PRKN: variants seen among roughly 807,000 people sequenced by gnomAD.
The protein encoded by PRKN is parkin RBR E3 ubiquitin protein ligase, also known as E3 ubiquitin-protein ligase parkin.
Under a neutral mutation model 59.5 loss-of-function variants are expected in PRKN, and 56 were observed. The ratio of observed to expected loss-of-function variants is 0.94; its 90% CI spans 0.76 to 1.18. PRKN has a LOEUF of 1.18. PRKN is among the 50% of genes most tolerant of loss of function. PRKN has a pLI of 0.00. For missense variants in PRKN, 657 were observed against 596.4 expected (o/e 1.10, Z -1.06); for synonymous variants, 250 against 222.1 (o/e 1.13, Z -1.12).
At chr6:161,944,247 C>G (rs2128244175) in intron 6 of PRKN, among the ~76,000 whole-genome samples, 1 of 152,312 alleles carries the variant, frequency 6.6e-6, no homozygotes, top group Middle Eastern at 3.4e-3. Context: ...GATATAATTT[C>G]AAGATACTGT....
At chr6:161,694,560 C>T (rs976791065) in intron 7 of PRKN, among the ~76,000 whole-genome samples, 4 of 151,994 alleles carry the variant, frequency 2.6e-5, no homozygotes, top group African/African-American at 9.7e-5. Context: ...AATTTCCCAC[C>T]TTTCCTTAAA....
chr6:162,727,594 C>G, intron 1 of PRKN, 68 bp downstream of exon 1: 1 of 1,503,652 alleles, frequency 6.7e-7, no homozygotes, highest in Non-Finnish European at 9.1e-7. Context: ...TCGGCCGAGG[C>G]GGGGCGTGGC....
chr6:162,058,351 G>T (rs1436875830), intron 4 of PRKN, among the ~76,000 whole-genome samples: 1 of 152,148 alleles, frequency 6.6e-6, no homozygotes, highest in Non-Finnish European at 1.5e-5. Flanking sequence ...GATGTAACCT[G>T]ACTGACAGCT....
intron 1 of PRKN, among the ~76,000 whole-genome samples, chr6:162,684,769 A>T (rs1195679562): frequency 6.6e-6 from 1 of 152,118 alleles, no homozygotes; most frequent in Admixed American, 6.6e-5. Context: ...AACCAGAAAA[A>T]ATGATTATGA....
chr6:162,316,763 A>T (rs1782770191), intron 2 of PRKN, among the ~76,000 whole-genome samples: 1 of 152,150 alleles, frequency 6.6e-6, no homozygotes, highest in East Asian at 1.9e-4. Context: ...AAGGGGAAAA[A>T]AAACATGAAT....
intron 9 of PRKN, among the ~76,000 whole-genome samples, chr6:161,443,123 C>T (rs1040970331): frequency 2.6e-5 from 4 of 152,080 alleles, no homozygotes; most frequent in Non-Finnish European, 5.9e-5. Context: ...GCCTGACCAA[C>T]ATGGAAAAAC....
intron 5 of PRKN, among the ~76,000 whole-genome samples, chr6:162,023,060 C>G (rs1470426325): frequency 6.6e-6 from 1 of 152,014 alleles, no homozygotes; most frequent in Non-Finnish European, 1.5e-5. Context: ...GTTCCCTTGT[C>G]CCCCTAGCAG....
intron 1 of PRKN, among the ~76,000 whole-genome samples, chr6:162,602,230 T>C (rs1233813518): frequency 6.6e-6 from 1 of 152,066 alleles, no homozygotes; most frequent in Non-Finnish European, 1.5e-5. Context: ...TTTAGCCAGA[T>C]GAGGTGGCGT....
intron 9 of PRKN, among the ~76,000 whole-genome samples, chr6:161,481,612 AAAAAC>A (rs1791403532): frequency 6.6e-6 from 1 of 152,144 alleles, no homozygotes; most frequent in Non-Finnish European, 1.5e-5. Context: ...CAAAAAACAA[AAAAAC>A]AAAACAAACA....
intron 9 of PRKN, among the ~76,000 whole-genome samples, chr6:161,478,808 T>A (rs1252951045): frequency 6.6e-6 from 1 of 152,222 alleles, no homozygotes; most frequent in African/African-American, 2.4e-5. Flanking sequence ...ATTGTGCCAC[T>A]GTACTCCCAG....
chr6:162,556,777 T>G (rs1583797059), intron 1 of PRKN, among the ~76,000 whole-genome samples: 1 of 146,624 alleles, frequency 6.8e-6, no homozygotes, highest in African/African-American at 2.5e-5. Context: ...AAAAGGAAGC[T>G]GTAGCTTAGA....
At chr6:162,522,023 T>C (rs969398063) in intron 1 of PRKN, among the ~76,000 whole-genome samples, 12 of 152,258 alleles carry the variant, frequency 7.9e-5, no homozygotes, top group African/African-American at 2.9e-4. Flanking sequence ...TTTTATTCGA[T>C]GTCCCCAGTT....
At chr6:161,874,763 A>T (rs538102138) in intron 6 of PRKN, among the ~76,000 whole-genome samples, 3 of 120,568 alleles carry the variant, frequency 2.5e-5, no homozygotes, top group Non-Finnish European at 4.7e-5. Context: ...ATATATATAA[A>T]ATATATAATA....
chr6:161,875,909 C>T (rs9347551), intron 6 of PRKN, among the ~76,000 whole-genome samples: 29,266 of 151,944 alleles, frequency 0.19, 3,355 homozygotes, highest in East Asian at 0.36. Flanking sequence ...CCATGGGTGC[C>T]GTTATGTAAC....
In PRKN at chr6:162,478,794, T is replaced by C. The variant is rs190833077; in HGVS notation, c.8-35321A>G. On this transcript the variant is annotated intron_variant, in intron 1 of 11. Transcript: ENST00000366898. ...GTTTACTGAATGCCTTAGGCAACTGTAACACAACAAGAAACATTTGTATAT... is the reference window on the plus strand; with the variant it reads ...GTTTACTGAATGCCTTAGGCAACTGCAACACAACAAGAAACATTTGTATAT... Among the ~76,000 whole-genome samples the C allele has an allele frequency of 2.0e-3, 306 of 152,244 alleles. 1 individual carries two copies. The highest frequency in any genetic ancestry group is 6.7e-3 in the African/African-American group (277 of 41,546).
chr6:161,612,478 TG>T (rs1215233811), intron 7 of PRKN, among the ~76,000 whole-genome samples: 1 of 152,082 alleles, frequency 6.6e-6, no homozygotes, highest in Non-Finnish European at 1.5e-5. Context: ...TCCAGCACTT[TG>T]GGAGGCCGAA....
At position 162,237,201 on chromosome 6, in the gene PRKN, A is replaced by G. The variant is rs545547089; in HGVS notation, c.412+25324T>C. On this transcript the variant is annotated intron_variant, in intron 3 of 11. Transcript: ENST00000366898. ...CTTAGTCTCTCATCACATCTCCTTT[A>G]TGACTTGGAAAGATAAATTTAGCAT... 8.5e-5 allele frequency among the ~76,000 whole-genome samples: 13 copies of G among 152,280 alleles called. No individual in the cohort carries two copies. In the East Asian group the frequency reaches 1.5e-3, roughly 18 times the overall value.
intron 7 of PRKN, among the ~76,000 whole-genome samples, chr6:161,733,308 C>T (rs985538174): frequency 1.3e-5 from 2 of 152,142 alleles, no homozygotes; most frequent in African/African-American, 4.8e-5. Flanking sequence ...AAGATAATCT[C>T]ATGAAACCCT....
intron 7 of PRKN, among the ~76,000 whole-genome samples, chr6:161,594,100 T>C (rs893530439): frequency 1.3e-5 from 2 of 151,874 alleles, no homozygotes; most frequent in African/African-American, 4.8e-5. Context: ...GAGGCAGAGG[T>C]TGCAGTGAGC....
Sources: gnomAD v4.1 joint callset for allele counts (sites outside exome capture counted in the v4.1 genomes callset) on GRCh38, gnomAD v4.1.1 for gene constraint, MANE v1.5 for transcripts, NCBI Gene and HGNC (gene_info 2026-07-23, HGNC 2026-07-21) for gene names.